AFDN: variants seen among roughly 807,000 people sequenced by gnomAD.
AFDN encodes the protein afadin.
In AFDN, 68 loss-of-function variants were observed where a neutral mutation model predicts 216.6. The observed-to-expected ratio is 0.31, with a 90% CI of 0.26 to 0.38. The LOEUF (loss-of-function observed/expected upper bound fraction) is 0.38. AFDN is among the 10% of genes least tolerant of loss of function. The pLI is 1.00. For missense variants in AFDN, 2,136 were observed against 2,342.0 expected (o/e 0.91, Z 1.82); for synonymous variants, 868 against 853.7 (o/e 1.02, Z -0.29).
chr6:167,922,787 A>G, intron 21 of AFDN, 69 bp from the exon 22 acceptor site: 1 of 1,043,108 alleles, frequency 9.6e-7, no homozygotes. Flanking sequence ...GCAATTGGTA[A>G]TTAATCTTGC....
intron 30 of AFDN, among the ~76,000 whole-genome samples, chr6:167,955,835 G>T (rs1796446389): frequency 6.6e-6 from 1 of 151,998 alleles, no homozygotes; most frequent in Admixed American, 6.5e-5. Flanking sequence ...AAAATTCTTG[G>T]GTGGGCACAG....
At chr6:167,908,164 C>T (rs557903809) in intron 13 of AFDN, among the ~76,000 whole-genome samples, 1 of 152,342 alleles carries the variant, frequency 6.6e-6, no homozygotes, top group East Asian at 1.9e-4. Flanking sequence ...TTCAAAGATC[C>T]AGTCAGTGAG....
chr6:167,937,593 ATTT>A (rs899982176), intron 23 of AFDN, among the ~76,000 whole-genome samples: 1 of 3,188 alleles, frequency 3.1e-4, no homozygotes, highest in African/African-American at 4.3e-3. Context: ...TGACAAACAG[ATTT>A]TATAAATTCA....
At chr6:167,890,223 A>G (rs967639530) in intron 7 of AFDN, among the ~76,000 whole-genome samples, 5 of 152,230 alleles carry the variant, frequency 3.3e-5, no homozygotes, top group South Asian at 2.1e-4. Flanking sequence ...GCAAATTTCT[A>G]TCCTCCTTAA....
At chr6:167,950,062 T>A (rs1055674536) in intron 29 of AFDN, among the ~76,000 whole-genome samples, 2 of 152,214 alleles carry the variant, frequency 1.3e-5, no homozygotes. Context: ...TCTCTGTTTT[T>A]ATGTGGTCCA....
In AFDN at chr6:167,898,304, G is replaced by A. The variant is rs1165858456; in HGVS notation, c.1417G>A (p.Glu473Lys). Reference protein sequence around the residue: ...PRSMDAETYVEGQRISETTML... With the variant: ...PRSMDAETYVKGQRISETTML... ...AAGTATGGACGCAGAAACCTACGTG[G>A]AAGGCCAGCGCATCTCAGAAACCAC... The change falls in exon 11 of 34, where the codon GAA (glutamate) becomes AAA (lysine). Residue 473 changes from glutamate (E) to lysine (K), a missense_variant. Glu to Lys is a moderately conservative substitution (Grantham distance 56). Coordinates refer to ENST00000683244, the MANE Select transcript of AFDN (RefSeq NM_001386888.1). 1.2e-6 allele frequency: 2 copies of A among 1,614,134 alleles called. No individual in the cohort carries two copies. Among genetic ancestry groups the A allele is most frequent in the South Asian group, 1.1e-5 (1 of 91,078 alleles).
Position 167,875,100 on chromosome 6 carries a change from A to G in AFDN, c.579-235A>G, listed in dbSNP as rs1008408791. On this transcript the variant is annotated intron_variant, in intron 4 of 33. Coordinates refer to ENST00000683244, the MANE Select transcript of AFDN (RefSeq NM_001386888.1). ...TTATTCATGAATAAACTCACTATTA[A>G]TGTAAACTTTTAATGATAGATGTCT... is the stretch of plus-strand genomic sequence containing the variant. 2.6e-5 allele frequency among the ~76,000 whole-genome samples: 4 copies of G among 152,282 alleles called. No individual in the cohort carries two copies. In the East Asian group the frequency reaches 7.7e-4, roughly 29 times the overall value.
chr6:167,949,180 CTG>C (rs1170126140), intron 29 of AFDN, among the ~76,000 whole-genome samples: 25 of 152,166 alleles, frequency 1.6e-4, no homozygotes, highest in African/African-American at 6.0e-4. Context: ...AGAGAGATAA[CTG>C]TTTGTATGGT....
intron 23 of AFDN, 63 bp from the exon 24 acceptor site, chr6:167,943,066 C>T: frequency 7.1e-7 from 1 of 1,398,746 alleles, no homozygotes. Flanking sequence ...TTTTACTTTC[C>T]TGCATAGTGC....
intron 2 of AFDN, among the ~76,000 whole-genome samples, chr6:167,868,762 CTTTTTTTTTT>C (rs35300672): frequency 8.2e-6 from 1 of 122,562 alleles, no homozygotes; most frequent in African/African-American, 3.1e-5. Context: ...ATTGTGCAAT[CTTTTTTTTTT>C]TTTTTTTTGA....
At chr6:167,939,495 A>G (rs1368906654) in intron 23 of AFDN, among the ~76,000 whole-genome samples, 2 of 152,242 alleles carry the variant, frequency 1.3e-5, no homozygotes, top group Non-Finnish European at 2.9e-5. Flanking sequence ...TCAGCGCTCC[A>G]ACTAAAATTA....
intron 6 of AFDN, among the ~76,000 whole-genome samples, chr6:167,888,445 TG>T (rs1787142914): frequency 6.6e-6 from 1 of 152,206 alleles, no homozygotes; most frequent in African/African-American, 2.4e-5. Context: ...AATCCTGTTT[TG>T]GTTCATGTTA....
chr6:167,955,837 T>C (rs1796447015), intron 30 of AFDN, among the ~76,000 whole-genome samples: 1 of 152,084 alleles, frequency 6.6e-6, no homozygotes, highest in Non-Finnish European at 1.5e-5. Flanking sequence ...AATTCTTGGG[T>C]GGGCACAGTG....
At chr6:167,900,179 A>G (rs773879653) in intron 11 of AFDN, among the ~76,000 whole-genome samples, 2 of 152,216 alleles carry the variant, frequency 1.3e-5, no homozygotes, top group African/African-American at 2.4e-5. Flanking sequence ...CCATCCATAA[A>G]TTAGAAAGGA....
rs537931328 is a variant in AFDN at position 167,970,022 on chromosome 6, A to G, written c.*87A>G. ...TGCGAGTTTGAAGAGGAAAAGAGGAAGGGGGTTATATTTCTAAGTGATTTA... is the reference window on the plus strand; with the variant it reads ...TGCGAGTTTGAAGAGGAAAAGAGGAGGGGGGTTATATTTCTAAGTGATTTA... On this transcript the variant is annotated 3_prime_UTR_variant, in exon 34 of 34. Transcript: ENST00000683244. The G allele has an allele frequency of 1.9e-5, 20 of 1,036,264 alleles. No homozygotes were observed. The Admixed American group carries it at 5.6e-4, about 29-fold the overall frequency. 64.2% of individuals were successfully genotyped at this position (1,036,264 alleles called of 1,614,324 possible).
intron 1 of AFDN, among the ~76,000 whole-genome samples, chr6:167,845,994 A>G (rs1781632175): frequency 6.6e-6 from 1 of 151,804 alleles, no homozygotes; most frequent in Non-Finnish European, 1.5e-5. Flanking sequence ...TGCTTATAAA[A>G]CCATCAGATC....
chr6:167,946,844 G>C lies in AFDN; in HGVS notation c.3496G>C (p.Gly1166Arg). The change falls in exon 27 of 34, where the codon GGT (glycine) becomes CGT (arginine). Residue 1166 changes from glycine to arginine, a missense_variant. By Grantham distance (125) the Gly-to-Arg change is moderately radical (BLOSUM62 -2). Around this residue, in one of 8 missense-constraint regions of AFDN, gnomAD observed 981 missense variants for 966.0 expected, o/e 1.02. Transcript: ENST00000683244. ...ATATAGTGAACCAAAGAAATTGCCTGGTGATGACAGACTGATGAAAAATAG... is the reference window on the plus strand; with the variant it reads ...ATATAGTGAACCAAAGAAATTGCCTCGTGATGACAGACTGATGAAAAATAG... ...AEYSEPKKLP[G>R]DDRLMKNRAD... is the part of the protein sequence containing the mutation. The C allele has an allele frequency of 6.2e-7, 1 of 1,612,838 alleles. No individual in the cohort carries two copies. The highest frequency in any genetic ancestry group is 8.5e-7 in the Non-Finnish European group (1 of 1,179,664).
intron 1 of AFDN, among the ~76,000 whole-genome samples, chr6:167,828,773 G>C (rs1332671083): frequency 1.2e-4 from 18 of 148,286 alleles, no homozygotes; most frequent in African/African-American, 4.5e-4. Flanking sequence ...TGTTTGAATG[G>C]ATTTTTTTTT....
intron 4 of AFDN, 115 bp from the exon 5 acceptor site, chr6:167,875,220 G>A: frequency 3.4e-6 from 3 of 869,652 alleles, no homozygotes; most frequent in African/African-American, 3.4e-5. Context: ...AGACCTCTTA[G>A]GTACAGATGT....
Sources: gnomAD v4.1 joint callset for allele counts (sites outside exome capture counted in the v4.1 genomes callset) on GRCh38, gnomAD v4.1.1 for gene constraint, gnomAD v4.1.1 regional missense constraint, MANE v1.5 for transcripts, NCBI Gene and HGNC (gene_info 2026-07-23, HGNC 2026-07-21) for gene names.